The following CREB5 variants were observed in gnomAD, a reference collection of about 807,000 sequenced individuals.
CREB5 encodes the protein cAMP responsive element binding protein 5, also known as cyclic AMP-responsive element-binding protein 5.
CREB5 carries 19 observed loss-of-function variants against 57.1 expected under a neutral mutation model. The ratio of observed to expected loss-of-function variants is 0.33; its 90% CI spans 0.23 to 0.49. The LOEUF is 0.49. CREB5 is among the 20% of genes least tolerant of loss of function. The pLI, the probability that CREB5 is intolerant of heterozygous loss-of-function variation, is 0.99. For missense variants in CREB5, 579 were observed against 671.6 expected, an observed-to-expected ratio of 0.86 and a Z score of 1.52; for synonymous variants, 238 against 238.3, an observed-to-expected ratio of 1.00 and a Z score of 0.01.
intron 5 of CREB5, among the ~76,000 whole-genome samples, chr7:28,695,510 C>T (rs1009255890): frequency 6.6e-6 from 1 of 152,200 alleles, no homozygotes; most frequent in Non-Finnish European, 1.5e-5. Context: ...GCAGAGACTC[C>T]TCCCTCTGGT....
At chr7:28,707,628 C>T in intron 5 of CREB5, among the ~76,000 whole-genome samples, 1 of 152,198 alleles carries the variant, frequency 6.6e-6, no homozygotes, top group Non-Finnish European at 1.5e-5. Flanking sequence ...CTTCCTCCTT[C>T]TCCCTAGAAA....
intron 5 of CREB5, among the ~76,000 whole-genome samples, chr7:28,685,623 C>T (rs1343539480): frequency 1.3e-5 from 2 of 151,874 alleles, no homozygotes; most frequent in Non-Finnish European, 2.9e-5. Context: ...CATCTCTACA[C>T]GTGTCTTGAT....
At chr7:28,763,679 T>A (rs1805788224) in intron 7 of CREB5, among the ~76,000 whole-genome samples, 1 of 152,196 alleles carries the variant, frequency 6.6e-6, no homozygotes, top group South Asian at 2.1e-4. Flanking sequence ...TAAATTATCC[T>A]GCCCTTATTC....
chr7:28,701,250 T>TG (rs1801844440), intron 5 of CREB5, among the ~76,000 whole-genome samples: 1 of 152,194 alleles, frequency 6.6e-6, no homozygotes, highest in Non-Finnish European at 1.5e-5. Flanking sequence ...CTGCGGGTGC[T>TG]GGGGAGATGA....
chr7:28,375,282 T>A (rs905540143), intron 1 of CREB5, among the ~76,000 whole-genome samples: 3 of 152,164 alleles, frequency 2.0e-5, no homozygotes, highest in Non-Finnish European at 4.4e-5. Flanking sequence ...CATTGCACGT[T>A]CTCACTTATT....
intron 7 of CREB5, among the ~76,000 whole-genome samples, chr7:28,774,779 GGCACTGCGACAGT>G (rs1376022408): frequency 6.6e-6 from 1 of 152,160 alleles, no homozygotes; most frequent in Non-Finnish European, 1.5e-5. Flanking sequence ...GCCAAAGCAG[GGCACTGCGACAGT>G]ATGAGTTGTT....
chr7:28,624,690 A>AAC (rs1261169400), intron 5 of CREB5, among the ~76,000 whole-genome samples: 1 of 150,112 alleles, frequency 6.7e-6, no homozygotes, highest in African/African-American at 2.4e-5. Flanking sequence ...AAAAAAAAAA[A>AAC]AAACAATCTT....
intron 5 of CREB5, among the ~76,000 whole-genome samples, chr7:28,709,363 C>A (rs904948147): frequency 1.3e-5 from 2 of 151,926 alleles, no homozygotes; most frequent in South Asian, 2.1e-4. Context: ...CATTAGAAAC[C>A]AATCCAGCCA....
intron 1 of CREB5, among the ~76,000 whole-genome samples, chr7:28,444,085 G>C (rs542705960): frequency 6.6e-6 from 1 of 152,190 alleles, no homozygotes; most frequent in African/African-American, 2.4e-5. Flanking sequence ...AACTCAGAAG[G>C]TTCCTTTTCC....
chr7:28,465,847 G>A (rs757998605), intron 1 of CREB5, among the ~76,000 whole-genome samples: 5 of 152,144 alleles, frequency 3.3e-5, no homozygotes, highest in Non-Finnish European at 7.3e-5. Flanking sequence ...ATGTCAGCCT[G>A]CTAACGTCAT....
At chr7:28,663,702 C>G (rs1799703790) in intron 5 of CREB5, among the ~76,000 whole-genome samples, 1 of 152,104 alleles carries the variant, frequency 6.6e-6, no homozygotes, top group Non-Finnish European at 1.5e-5. Context: ...ATTTATTTTT[C>G]TTCTGGAAAT....
At chr7:28,626,794 A>T (rs910696423) in intron 5 of CREB5, among the ~76,000 whole-genome samples, 6 of 152,170 alleles carry the variant, frequency 3.9e-5, no homozygotes, top group African/African-American at 1.4e-4. Context: ...AACAAGGCAA[A>T]CTATGTCTTA....
chr7:28,484,300 C>A (rs776756504), intron 1 of CREB5, among the ~76,000 whole-genome samples: 10 of 152,080 alleles, frequency 6.6e-5, no homozygotes, highest in Non-Finnish European at 1.5e-4. Flanking sequence ...TAGAAAAGAA[C>A]CATAATAATA....
intron 1 of CREB5, among the ~76,000 whole-genome samples, chr7:28,370,931 C>A (rs1318940203): frequency 6.6e-6 from 1 of 152,168 alleles, no homozygotes; most frequent in Non-Finnish European, 1.5e-5. Context: ...AAATGCAAAC[C>A]AAAACCTCTG....
chr7:28,756,032 A>G (rs1805277034), intron 7 of CREB5, among the ~76,000 whole-genome samples: 1 of 152,186 alleles, frequency 6.6e-6, no homozygotes, highest in African/African-American at 2.4e-5. Flanking sequence ...TAGATTTTTA[A>G]AAATACAGAA....
At chr7:28,443,910 G>A (rs562204840) in intron 1 of CREB5, among the ~76,000 whole-genome samples, 1 of 152,306 alleles carries the variant, frequency 6.6e-6, no homozygotes, top group African/African-American at 2.4e-5. Flanking sequence ...ATGTGGAAGC[G>A]GTATTGGTAG....
chr7:28,647,905 A>AC (rs985905765), intron 5 of CREB5, among the ~76,000 whole-genome samples: 7 of 152,176 alleles, frequency 4.6e-5, no homozygotes, highest in African/African-American at 1.7e-4. Flanking sequence ...ACATAGTGAG[A>AC]CCCCCAACTC....
intron 5 of CREB5, among the ~76,000 whole-genome samples, chr7:28,648,030 G>A (rs1489756147): frequency 6.6e-6 from 1 of 152,200 alleles, no homozygotes; most frequent in Non-Finnish European, 1.5e-5. Context: ...AGATCTAGAT[G>A]AAATCTTATA....
rs150652600 is a variant in CREB5 at position 28,705,979 on chromosome 7, G to A, written c.465-12774G>A. 2.7e-3 allele frequency among the ~76,000 whole-genome samples: 405 copies of A among 152,176 alleles called. 2 individuals carry two copies. Among genetic ancestry groups the A allele is most frequent in the African/African-American group, 9.0e-3 (375 of 41,522 alleles). ...TGAGAAGAGGGTTGAGAGAAATATCGAAATAAAACAAGTCCATTAAAATGT... is the reference window on the plus strand; with the variant it reads ...TGAGAAGAGGGTTGAGAGAAATATCAAAATAAAACAAGTCCATTAAAATGT... On this transcript the variant is annotated intron_variant, in intron 5 of 10. Coordinates refer to ENST00000357727, the MANE Select transcript of CREB5 (RefSeq NM_182898.4).
Sources: allele counts gnomAD v4.1 joint callset (sites outside exome capture counted in the v4.1 genomes callset), GRCh38; gene constraint gnomAD v4.1.1; transcripts MANE v1.5; gene names NCBI Gene and HGNC (gene_info 2026-07-23, HGNC 2026-07-21).